The following ASTN2 variants were observed in gnomAD, a reference collection of about 807,000 sequenced individuals.
The protein encoded by ASTN2 is astrotactin-2.
ASTN2 carries 54 observed loss-of-function variants against 139.8 expected under a neutral mutation model. That is an observed-to-expected ratio of 0.39 (90% CI 0.31 to 0.48). The LOEUF (loss-of-function observed/expected upper bound fraction) is 0.48, where lower values mean the gene tolerates loss of function less well. Ranked by LOEUF, ASTN2 falls within the 20% of genes least tolerant of loss-of-function variation. The pLI, the probability that ASTN2 is intolerant of heterozygous loss-of-function variation, is 0.95. For missense variants in ASTN2, 1,565 were observed against 1,725.1 expected (o/e 0.91, Z 1.64); for synonymous variants, 756 against 719.5 (o/e 1.05, Z -0.81).
chr9:117,296,258 A>G (rs576773041), intron 1 of ASTN2, among the ~76,000 whole-genome samples: 5 of 131,550 alleles, frequency 3.8e-5, no homozygotes, highest in Admixed American at 2.7e-4. Context: ...AGCCTGGGCA[A>G]CAGAGTGAGA....
chr9:117,202,361 T>C lies in ASTN2; in HGVS notation c.1015+11997A>G, dbSNP rs1346191915. Among the ~76,000 whole-genome samples, 3 of 152,326 alleles carry C rather than the reference T, an allele frequency of 2.0e-5. No individual in the cohort carries two copies. In the East Asian group the frequency reaches 5.8e-4, roughly 29 times the overall value. On this transcript the variant is annotated intron_variant, in intron 3 of 22. Coordinates refer to ENST00000313400, the MANE Select transcript of ASTN2 (RefSeq NM_001365068.1). ...TATATTTAGAGTTAGTATCGTTATG[T>C]GTGAATTTGATCCTGTCGTCATAAT...
At chr9:116,706,890 TG>T (rs1300583526) in intron 16 of ASTN2, among the ~76,000 whole-genome samples, 2 of 151,798 alleles carry the variant, frequency 1.3e-5, no homozygotes, top group Admixed American at 1.3e-4. Context: ...TTGGAATTTT[TG>T]ATAATTGGCA....
At chr9:117,228,508 T>C (rs1486982863) in intron 2 of ASTN2, among the ~76,000 whole-genome samples, 2 of 151,948 alleles carry the variant, frequency 1.3e-5, no homozygotes, top group African/African-American at 4.8e-5. Flanking sequence ...AGAAAACCCC[T>C]GGAAAGTTAG....
intron 1 of ASTN2, among the ~76,000 whole-genome samples, chr9:117,313,271 G>A (rs1033774704): frequency 1.3e-5 from 2 of 152,150 alleles, no homozygotes; most frequent in African/African-American, 4.8e-5. Context: ...CCTGGGCTTT[G>A]GTTCTGACCT....
At chr9:116,546,296 C>T (rs1276906586) in intron 19 of ASTN2, among the ~76,000 whole-genome samples, 1 of 152,112 alleles carries the variant, frequency 6.6e-6, no homozygotes, top group Non-Finnish European at 1.5e-5. Flanking sequence ...GTTTTCACAG[C>T]ATTTACACTG....
chr9:117,057,025 G>A (rs527593943), intron 5 of ASTN2, among the ~76,000 whole-genome samples: 1 of 152,334 alleles, frequency 6.6e-6, no homozygotes, highest in African/African-American at 2.4e-5. Context: ...CATAGTGGAT[G>A]ATAATAAGAA....
chr9:116,470,724 T>C (rs74360923), intron 20 of ASTN2, among the ~76,000 whole-genome samples: 5,554 of 152,266 alleles, frequency 0.036, 131 homozygotes, highest in East Asian at 0.075. Flanking sequence ...AGCATATTCA[T>C]ATTGTGGAGT....
intron 9 of ASTN2, 128 bp from the exon 10 acceptor site, chr9:116,975,473 A>G (rs1351432134): frequency 6.2e-6 from 6 of 970,502 alleles, no homozygotes; most frequent in Admixed American, 3.3e-5. Flanking sequence ...AGCATTATTT[A>G]AGGAACAATG....
intron 19 of ASTN2, among the ~76,000 whole-genome samples, chr9:116,496,258 A>AC (rs1849665940): frequency 6.6e-6 from 1 of 152,164 alleles, no homozygotes; most frequent in African/African-American, 2.4e-5. Flanking sequence ...GTGTCTGTAC[A>AC]CAGTAGGTTT....
intron 19 of ASTN2, among the ~76,000 whole-genome samples, chr9:116,512,927 A>C (rs1850464199): frequency 6.6e-6 from 1 of 152,182 alleles, no homozygotes; most frequent in Non-Finnish European, 1.5e-5. Context: ...TGAATACAGC[A>C]CACTGATGGG....
At chr9:117,388,009 G>A (rs749616501) in intron 1 of ASTN2, among the ~76,000 whole-genome samples, 6 of 152,158 alleles carry the variant, frequency 3.9e-5, no homozygotes, top group Non-Finnish European at 8.8e-5. Flanking sequence ...GAAAGGGGAA[G>A]AGAAGGCCTA....
At chr9:117,162,866 A>G (rs539315889) in intron 3 of ASTN2, among the ~76,000 whole-genome samples, 1 of 152,194 alleles carries the variant, frequency 6.6e-6, no homozygotes, top group African/African-American at 2.4e-5. Context: ...GATTCATAGA[A>G]TGAGTGAATG....
chr9:117,065,985 C>T (rs1011660343), intron 5 of ASTN2, among the ~76,000 whole-genome samples: 1 of 151,016 alleles, frequency 6.6e-6, no homozygotes, highest in Non-Finnish European at 1.5e-5. Context: ...GTCAATTACT[C>T]CTCTCAGAAG....
chr9:116,691,462 A>G (rs758381917), intron 16 of ASTN2, among the ~76,000 whole-genome samples: 1 of 152,210 alleles, frequency 6.6e-6, no homozygotes, highest in Non-Finnish European at 1.5e-5. Flanking sequence ...ACAGGCAAGC[A>G]TGTTTTCCAG....
intron 11 of ASTN2, among the ~76,000 whole-genome samples, chr9:116,827,005 A>T (rs1397073693): frequency 6.6e-6 from 1 of 152,098 alleles, no homozygotes; most frequent in Non-Finnish European, 1.5e-5. Flanking sequence ...ACCTAATATC[A>T]CACCTGAAAG....
At chr9:116,495,072 A>C (rs1849627995) in intron 19 of ASTN2, among the ~76,000 whole-genome samples, 1 of 152,194 alleles carries the variant, frequency 6.6e-6, no homozygotes, top group Non-Finnish European at 1.5e-5. Context: ...ACCTTTCAGG[A>C]GTAAATAGGA....
At chr9:116,985,732 G>A (rs1323651453) in intron 7 of ASTN2, among the ~76,000 whole-genome samples, 3 of 152,196 alleles carry the variant, frequency 2.0e-5, no homozygotes, top group Non-Finnish European at 4.4e-5. Context: ...AATCCAGAAG[G>A]ATCTGGCTTC....
At chr9:117,013,264 C>T (rs975883216) in intron 6 of ASTN2, among the ~76,000 whole-genome samples, 5 of 152,078 alleles carry the variant, frequency 3.3e-5, no homozygotes, top group African/African-American at 1.2e-4. Flanking sequence ...ATAAAAGGCA[C>T]TATTCCATGT....
intron 19 of ASTN2, among the ~76,000 whole-genome samples, chr9:116,580,808 C>T (rs1853916664): frequency 1.3e-5 from 2 of 151,932 alleles, no homozygotes; most frequent in South Asian, 2.1e-4. Context: ...TTTGTGCAAA[C>T]GAGGTGTGAT....
Sources: gnomAD v4.1 joint callset for allele counts (sites outside exome capture counted in the v4.1 genomes callset) on GRCh38, gnomAD v4.1.1 for gene constraint, MANE v1.5 for transcripts, NCBI Gene and HGNC (gene_info 2026-07-23, HGNC 2026-07-21) for gene names.